Variants in PHLDB2 observed in about 807,000 individuals in gnomAD.
The protein encoded by PHLDB2 is pleckstrin homology-like domain family B member 2.
PHLDB2 carries 71 observed loss-of-function variants against 123.6 expected under a neutral mutation model. The observed-to-expected ratio is 0.57, with a 90% CI of 0.47 to 0.70. PHLDB2 has a LOEUF of 0.70. PHLDB2 is among the 30% of genes least tolerant of loss of function. The pLI is 0.00. For synonymous variants in PHLDB2, 547 were observed against 541.6 expected (o/e 1.01, Z -0.14); for missense variants, 1,446 against 1,519.5 (o/e 0.95, Z 0.80).
At chr3:111,738,616 G>A (rs990206396) in intron 1 of PHLDB2, among the ~76,000 whole-genome samples, 4 of 151,998 alleles carry the variant, frequency 2.6e-5, no homozygotes, top group Non-Finnish European at 5.9e-5. Context: ...CTCTATATTT[G>A]TGTGTATGTT....
At chr3:111,858,076 T>A (rs935049334), upstream of PHLDB2, among the ~76,000 whole-genome samples, 1 of 152,184 alleles carries the variant, frequency 6.6e-6, no homozygotes, top group Non-Finnish European at 1.5e-5. Flanking sequence ...AATGATAGAC[T>A]GGATGAAGAA....
chr3:111,750,457 G>T (rs2059750336), intron 1 of PHLDB2, among the ~76,000 whole-genome samples: 1 of 152,148 alleles, frequency 6.6e-6, no homozygotes, highest in African/African-American at 2.4e-5. Context: ...AATACACATG[G>T]CTGCAATGCA....
chr3:111,803,315 G>C (rs1230765900), intron 1 of PHLDB2, among the ~76,000 whole-genome samples: 2 of 152,164 alleles, frequency 1.3e-5, no homozygotes, highest in African/African-American at 2.4e-5. Flanking sequence ...GGAATGGAAT[G>C]TAAGGTTGCT....
chr3:111,940,892 G>C (rs974119574), intron 8 of PHLDB2, among the ~76,000 whole-genome samples: 4 of 152,120 alleles, frequency 2.6e-5, no homozygotes, highest in Admixed American at 6.5e-5. Context: ...CTTAACGATG[G>C]AAAGTCTGTA....
At chr3:111,874,866 C>G (rs1483278800) in intron 1 of PHLDB2, among the ~76,000 whole-genome samples, 1 of 152,046 alleles carries the variant, frequency 6.6e-6, no homozygotes, top group Non-Finnish European at 1.5e-5. Context: ...ATTTTTTTCC[C>G]TGTACAATAA....
chr3:111,890,086 A>AAAC (rs1038461812), intron 2 of PHLDB2, among the ~76,000 whole-genome samples: 11 of 152,192 alleles, frequency 7.2e-5, no homozygotes, highest in Admixed American at 2.6e-4. Flanking sequence ...AACAAATTAT[A>AAAC]AACAACAACA....
rs146823147 is a variant in PHLDB2 at position 111,976,479 on chromosome 3, G to T, written c.*1916G>T. The T allele has an allele frequency of 6.6e-6, 1 of 152,148 alleles. No homozygotes were observed. The highest frequency in any genetic ancestry group is 1.9e-4 in the East Asian group (1 of 5,172). 9.4% of individuals were successfully genotyped at this position (152,148 alleles called of 1,614,324 possible). A position where few individuals can be genotyped will look rare whatever the true frequency, so the allele number is the denominator to read the frequency against. ...TGAAAAACTCTGACATCATATTGTT[G>T]TCTGTTTACACAGATACATTTATTG... On this transcript the variant is annotated 3_prime_UTR_variant, in exon 18 of 18. Transcript: ENST00000431670.
In PHLDB2 at chr3:111,846,171, G is replaced by A. The variant is rs566447047; in HGVS notation, c.67+236G>A. ...TGAGGTTTTATTTAGTCCAGATGCT[G>A]AAGGATGGGAAGACCCAAGCAGCTG... On this transcript the variant is annotated intron_variant, in intron 2 of 17. Coordinates refer to the PHLDB2 transcript ENST00000393923. 79 of 408,202 alleles carry A rather than the reference G, an allele frequency of 1.9e-4. No individual in the cohort carries two copies. The Middle Eastern group carries it at 5.0e-3, about 26-fold the overall frequency. The allele number at this position is 408,202 out of a possible 1,614,324, so 25.3% of individuals were successfully genotyped here. A position where few individuals can be genotyped will look rare whatever the true frequency, so the allele number is the denominator to read the frequency against.
chr3:111,755,492 GT>G (rs1173709760), intron 1 of PHLDB2, among the ~76,000 whole-genome samples: 2 of 140,980 alleles, frequency 1.4e-5, no homozygotes, highest in Non-Finnish European at 3.1e-5. Flanking sequence ...GGGATCGGTG[GT>G]GATATCCCCT....
At chr3:111,880,717 G>A (rs544805679) in intron 1 of PHLDB2, among the ~76,000 whole-genome samples, 5 of 150,240 alleles carry the variant, frequency 3.3e-5, no homozygotes, top group African/African-American at 9.8e-5. Context: ...TTTTTTCTGC[G>A]TTAAAAACCT....
chr3:111,810,876 A>G (rs945713994), intron 1 of PHLDB2, among the ~76,000 whole-genome samples: 10 of 152,216 alleles, frequency 6.6e-5, no homozygotes, highest in Non-Finnish European at 1.0e-4. Flanking sequence ...AATACACTGG[A>G]CAGTAAGTTT....
chr3:111,918,963 A>G (rs1240882037), intron 3 of PHLDB2, 109 bp from the exon 4 acceptor site: 7 of 1,118,894 alleles, frequency 6.3e-6, no homozygotes, highest in Admixed American at 4.1e-5. Context: ...TAAAATCTAC[A>G]TGGGCATGGA....
intron 6 of PHLDB2, among the ~76,000 whole-genome samples, chr3:111,936,861 T>C (rs1456764673): frequency 6.6e-6 from 1 of 152,202 alleles, no homozygotes; most frequent in African/African-American, 2.4e-5. Context: ...CCTTATAAAC[T>C]TGAGTGTATG....
chr3:111,867,387 A>G (rs946285487), intron 1 of PHLDB2, among the ~76,000 whole-genome samples: 1 of 152,162 alleles, frequency 6.6e-6, no homozygotes, highest in African/African-American at 2.4e-5. Flanking sequence ...GAAAAATATT[A>G]AACTACACAA....
chr3:111,966,773 C>A, intron 14 of PHLDB2, 70 bp downstream of exon 14: 1 of 1,149,088 alleles, frequency 8.7e-7, no homozygotes, highest in South Asian at 1.3e-5. Context: ...TGGCATCAGA[C>A]AATACTCCTC....
intron 2 of PHLDB2, among the ~76,000 whole-genome samples, chr3:111,895,877 T>TATCTATCTATC (rs2066830830): frequency 8.0e-6 from 1 of 125,520 alleles, no homozygotes; most frequent in Non-Finnish European, 1.8e-5. Context: ...TCTATCCATC[T>TATCTATCTATC]ATCTATCTAT....
chr3:111,877,229 CTGT>C (rs2065678085), intron 1 of PHLDB2, among the ~76,000 whole-genome samples: 1 of 152,372 alleles, frequency 6.6e-6, no homozygotes, highest in Non-Finnish European at 1.5e-5. Context: ...TCTCCAACAT[CTGT>C]TGTTTCCTGA....
intron 1 of PHLDB2, among the ~76,000 whole-genome samples, chr3:111,746,975 G>A (rs139741631): frequency 6.6e-5 from 10 of 152,224 alleles, no homozygotes; most frequent in South Asian, 2.1e-4. Flanking sequence ...GTTAGGGAAC[G>A]TTTCCACCTA....
chr3:111,836,841 G>A (rs1034696189), intron 1 of PHLDB2, among the ~76,000 whole-genome samples: 1 of 152,076 alleles, frequency 6.6e-6, no homozygotes, highest in Non-Finnish European at 1.5e-5. Flanking sequence ...GGACCACCCC[G>A]ATGATCCAAT....
Sources: gnomAD v4.1 joint callset for allele counts (sites outside exome capture counted in the v4.1 genomes callset) on GRCh38, gnomAD v4.1.1 for gene constraint, MANE v1.5 for transcripts, NCBI Gene and HGNC (gene_info 2026-07-23, HGNC 2026-07-21) for gene names.